Variants in TNRC6A observed in about 807,000 individuals in gnomAD.
TNRC6A encodes trinucleotide repeat containing adaptor 6A, also known as trinucleotide repeat-containing gene 6A protein.
Under a neutral mutation model 221.2 loss-of-function variants are expected in TNRC6A, and 44 were observed. That is an observed-to-expected ratio of 0.20 (90% CI 0.16 to 0.26). The LOEUF (loss-of-function observed/expected upper bound fraction) is 0.26, where lower values mean the gene tolerates loss of function less well. TNRC6A is among the 10% of genes least tolerant of loss of function. The probability of loss-of-function intolerance (pLI) is 1.00; values close to 1 mark genes in which losing one functional copy is unlikely to be tolerated. For missense variants in TNRC6A, 2,199 were observed against 2,404.4 expected (o/e 0.91, Z 1.79); for synonymous variants, 847 against 838.5 (o/e 1.01, Z -0.18).
At chr16:24,618,275 A>G (rs965145824) in intron 1 of TNRC6A, among the ~76,000 whole-genome samples, 1 of 152,178 alleles carries the variant, frequency 6.6e-6, no homozygotes, top group African/African-American at 2.4e-5. Flanking sequence ...TAATTACAGA[A>G]AACATCAATT....
intron 4 of TNRC6A, among the ~76,000 whole-genome samples, chr16:24,774,090 G>T (rs1596673113): frequency 6.6e-6 from 1 of 152,098 alleles, no homozygotes; most frequent in Non-Finnish European, 1.5e-5. Context: ...TTGAATAGAT[G>T]AAGTTTTCTA....
chr16:24,761,496 G>C (rs1481385223), intron 4 of TNRC6A, among the ~76,000 whole-genome samples: 1 of 152,026 alleles, frequency 6.6e-6, no homozygotes, highest in Non-Finnish European at 1.5e-5. Flanking sequence ...GTGTCCTTGG[G>C]AACTTGGTTG....
chr16:24,652,300 G>C (rs1902717230), intron 2 of TNRC6A, among the ~76,000 whole-genome samples: 2 of 152,164 alleles, frequency 1.3e-5, no homozygotes, highest in African/African-American at 4.8e-5. Flanking sequence ...CGATTATATG[G>C]TGGCTAGATA....
intron 2 of TNRC6A, among the ~76,000 whole-genome samples, chr16:24,735,853 CCCTATCTCATTTTAAAATTTTAAAAAATT>C (rs2056754758): frequency 6.6e-6 from 1 of 152,124 alleles, no homozygotes; most frequent in African/African-American, 2.4e-5. Context: ...AAACAGAAAT[CCCTATCTCATTTTAAAATTTTAAAAAATT>C]GGCCGGGCAC....
intron 2 of TNRC6A, among the ~76,000 whole-genome samples, chr16:24,738,071 C>T (rs928149225): frequency 1.3e-5 from 2 of 152,148 alleles, no homozygotes; most frequent in Non-Finnish European, 2.9e-5. Context: ...GCAGGTTAAT[C>T]GTCCTCGAGC....
intron 2 of TNRC6A, among the ~76,000 whole-genome samples, chr16:24,658,482 C>T (rs1410658527): frequency 6.6e-6 from 1 of 152,156 alleles, no homozygotes; most frequent in Non-Finnish European, 1.5e-5. Flanking sequence ...CTGCCTCTAC[C>T]TCCCAAGTAG....
rs1318448685 is a variant in TNRC6A, at chr16:24,729,802, C to G, written c.-40C>G. ...TGCGGAGGGCTTGAGGCTCGCGAGC[C>G]TCCTTCGCCGCGCCCCACTTGCTCG... On this transcript the variant is annotated 5_prime_UTR_variant, in exon 1 of 25. Transcript: ENST00000395799. 2 of 1,407,816 alleles carry G rather than the reference C, an allele frequency of 1.4e-6. No individual in the cohort carries two copies. Among genetic ancestry groups the G allele is most frequent in the African/African-American group, 1.5e-5 (1 of 66,576 alleles). 87.2% of individuals were successfully genotyped at this position (1,407,816 alleles called of 1,614,324 possible).
chr16:24,696,244 A>G (rs1362280909), intron 2 of TNRC6A, among the ~76,000 whole-genome samples: 1 of 150,790 alleles, frequency 6.6e-6, no homozygotes, highest in African/African-American at 2.4e-5. Flanking sequence ...GCTACTCGGG[A>G]GGCTGAGGCA....
rs754115999 is a variant in TNRC6A at position 24,791,824 on chromosome 16, T to G, written c.3175+7T>G. On this transcript the variant is annotated splice_region_variant and intron_variant, in intron 6 of 24. Coordinates refer to ENST00000395799, the MANE Select transcript of TNRC6A (RefSeq NM_014494.4). ...GAGGCAAGCAGTGGCTCTGGTAAGT[T>G]TCTATTTTATGAAATCAAGCCTTGT... The G allele has an allele frequency of 8.6e-6, 13 of 1,509,110 alleles. No individual in the cohort carries two copies. Among genetic ancestry groups the G allele is most frequent in the Admixed American group, 7.3e-5 (3 of 41,376 alleles). The allele number at this position is 1,509,110 out of a possible 1,614,324, so 93.5% of individuals were successfully genotyped here.
chr16:24,765,337 G>A (rs911663195), intron 4 of TNRC6A, among the ~76,000 whole-genome samples: 1 of 152,128 alleles, frequency 6.6e-6, no homozygotes, highest in African/African-American at 2.4e-5. Context: ...GGCCATTAGG[G>A]TAAACAGAAA....
At chr16:24,689,137 T>A (rs2055699450) in intron 2 of TNRC6A, among the ~76,000 whole-genome samples, 1 of 152,160 alleles carries the variant, frequency 6.6e-6, no homozygotes, top group South Asian at 2.1e-4. Context: ...CTAACTGGTG[T>A]AAACGTAACG....
intron 4 of TNRC6A, among the ~76,000 whole-genome samples, chr16:24,771,516 C>CATGTT (rs60883844): frequency 0.074 from 6,561 of 88,072 alleles, 502 homozygotes; most frequent in South Asian, 0.11. Flanking sequence ...GAGCCTGGTG[C>CATGTT]ATGTTATGTT....
intron 20 of TNRC6A, among the ~76,000 whole-genome samples, chr16:24,817,563 G>A (rs922607710): frequency 1.3e-5 from 2 of 152,136 alleles, no homozygotes; most frequent in African/African-American, 2.4e-5. Context: ...AATAAAATCC[G>A]ATTACCTGCC....
rs548159900 is a variant in TNRC6A, at chr16:24,710,881, T to TA, written n.403-39845_403-39844insA. Among the ~76,000 whole-genome samples, 131 of 118,812 alleles carry TA rather than the reference T, an allele frequency of 1.1e-3. 2 individuals carry two copies. The East Asian group carries it at 0.028, about 25-fold the overall frequency. The allele number at this position is 118,812 out of a possible 152,430, so 77.9% of individuals were successfully genotyped here. On this transcript the variant is annotated intron_variant and non_coding_transcript_variant, in intron 2 of 2. Coordinates refer to the TNRC6A transcript ENST00000566108. ...GCACCCACCACCATGCCCGGCTAAT[T>TA]TTTTTTTTTTTTTAGATGGAATCTC...
intron 1 of TNRC6A, among the ~76,000 whole-genome samples, chr16:24,629,626 G>C (rs1305284562): frequency 6.6e-6 from 1 of 152,020 alleles, no homozygotes. Flanking sequence ...TATTATTTTG[G>C]GGGGAGGAGA....
chr16:24,729,498 C>G (rs2056556586), upstream of TNRC6A, among the ~76,000 whole-genome samples: 1 of 151,752 alleles, frequency 6.6e-6, no homozygotes, highest in Non-Finnish European at 1.5e-5. Flanking sequence ...GCCTCGGAGG[C>G]TGTGACCTCC....
chr16:24,636,232 A>G (rs1373282843), intron 1 of TNRC6A, among the ~76,000 whole-genome samples: 1 of 152,092 alleles, frequency 6.6e-6, no homozygotes, highest in Non-Finnish European at 1.5e-5. Context: ...TTTATACTTG[A>G]CCTATTGGAA....
intron 5 of TNRC6A, among the ~76,000 whole-genome samples, chr16:24,778,050 A>T (rs1052570927): frequency 2.6e-5 from 4 of 152,122 alleles, no homozygotes; most frequent in African/African-American, 9.7e-5. Context: ...CCAGGTAGAG[A>T]ATTAGGTGCT....
chr16:24,823,708 TC>T lies in TNRC6A; in HGVS notation c.5795del (p.Pro1932GlnfsTer82). The T allele has an allele frequency of 6.4e-7, 1 of 1,572,196 alleles. No homozygotes were observed. On this transcript the variant is annotated frameshift_variant, in exon 25 of 25. Coordinates refer to ENST00000395799, the MANE Select transcript of TNRC6A (RefSeq NM_014494.4). LOFTEE classifies it high-confidence loss of function. The surrounding 1 kb of genome is among the most constrained non-coding windows in gnomAD (Gnocchi z 4.3). ...TPHYSTSLWG[P>X]PSSSDPRGIS... The stretch of plus-strand genomic sequence containing the variant: ...CGCATTATTCCACAAGCCTGTGGGG[TC>T]CCCCAAGCAGCAGCGACCCCCGAGG...
Sources: allele counts gnomAD v4.1 joint callset (sites outside exome capture counted in the v4.1 genomes callset), GRCh38; gene constraint gnomAD v4.1.1; non-coding constraint Gnocchi (gnomAD v3.1); transcripts MANE v1.5; gene names NCBI Gene and HGNC (gene_info 2026-07-23, HGNC 2026-07-21).